The following SRGAP1 variants were observed in gnomAD, a reference collection of about 807,000 sequenced individuals.
SRGAP1 encodes the protein SLIT-ROBO Rho GTPase activating protein 1.
Under a neutral mutation model 121.9 loss-of-function variants are expected in SRGAP1, and 43 were observed. That is an observed-to-expected ratio of 0.35 (90% CI 0.28 to 0.46). SRGAP1 has a LOEUF of 0.46. Among genes scored for constraint, SRGAP1 ranks in the 20% least tolerant of loss-of-function variants. SRGAP1 has a pLI of 1.00. For missense variants in SRGAP1, 1,102 were observed against 1,350.9 expected (o/e 0.82, Z 2.89); for synonymous variants, 447 against 485.4 (o/e 0.92, Z 1.04).
chr12:63,977,475 T>C (rs1054326347), intron 1 of SRGAP1, among the ~76,000 whole-genome samples: 26 of 152,198 alleles, frequency 1.7e-4, no homozygotes, highest in African/African-American at 6.0e-4. Context: ...AGTAATATAT[T>C]AGAGAAACAG....
At chr12:63,992,794 A>G (rs1030802645) in intron 3 of SRGAP1, among the ~76,000 whole-genome samples, 2 of 152,038 alleles carry the variant, frequency 1.3e-5, no homozygotes, top group Non-Finnish European at 1.5e-5. Context: ...CTTCTTATCC[A>G]GATTTTCTGG....
chr12:63,887,340 G>T (rs1900421803), intron 1 of SRGAP1: 1 of 152,378 alleles, frequency 6.6e-6, no homozygotes, highest in Non-Finnish European at 1.5e-5. Context: ...GGGAGTGGGG[G>T]ATTGGTGTTG....
chr12:63,954,564 G>C (rs1361846120), intron 1 of SRGAP1, among the ~76,000 whole-genome samples: 2 of 151,802 alleles, frequency 1.3e-5, no homozygotes, highest in African/African-American at 2.4e-5. Context: ...TGTAGTCCCA[G>C]CTACTCGGGA....
In SRGAP1 at chr12:64,144,507, G is replaced by C. The variant is rs2037018123; in HGVS notation, c.*1835G>C. ...TTGCAGGAAGAGATTAAATTGATGA[G>C]ATATTGTTACTTTCAGAGTCACACT... On this transcript the variant is annotated 3_prime_UTR_variant, in exon 22 of 22. Transcript: ENST00000355086. The C allele has an allele frequency of 1.3e-5, 2 of 152,166 alleles. No homozygotes were observed. The highest frequency in any genetic ancestry group is 4.8e-5 in the African/African-American group (2 of 41,414). The allele number at this position is 152,166 out of a possible 1,614,324, so 9.4% of individuals were successfully genotyped here.
chr12:64,037,240 G>C (rs1372074772), intron 4 of SRGAP1, among the ~76,000 whole-genome samples: 1 of 152,210 alleles, frequency 6.6e-6, no homozygotes, highest in Non-Finnish European at 1.5e-5. Flanking sequence ...CTGACTCAGA[G>C]TGGTACACAA....
chr12:64,053,209 G>A (rs1270918922), intron 6 of SRGAP1, among the ~76,000 whole-genome samples: 5 of 152,166 alleles, frequency 3.3e-5, no homozygotes, highest in African/African-American at 1.2e-4. Context: ...TCTGTAAGGG[G>A]CCAGATGGTA....
At chr12:63,927,441 T>A (rs1053712408) in intron 1 of SRGAP1, among the ~76,000 whole-genome samples, 11 of 152,244 alleles carry the variant, frequency 7.2e-5, no homozygotes, top group Admixed American at 7.2e-4. Context: ...AGTCAGCAGA[T>A]GGAGGTGGCA....
Position 64,160,629 on chromosome 12 carries a change from A to G in SRGAP1, c.*17957A>G, listed in dbSNP as rs2037202166. 4 of 152,294 alleles carry G rather than the reference A, an allele frequency of 2.6e-5. No individual in the cohort carries two copies. The South Asian group carries it at 6.2e-4, about 24-fold the overall frequency. 9.4% of individuals were successfully genotyped at this position (152,294 alleles called of 1,614,324 possible). ...CTATTTTCCTTACCCCTTTGTCTTC[A>G]CAAGGAAGCCCAGACTCTGTTTGCC... On this transcript the variant is annotated 3_prime_UTR_variant, in exon 22 of 22. Transcript: ENST00000355086.
rs546585269 is a variant in SRGAP1, at chr12:64,038,048, C to G, written c.490-4742C>G. 1.8e-3 allele frequency among the ~76,000 whole-genome samples: 267 copies of G among 152,260 alleles called. 1 individual carries two copies. The highest frequency in any genetic ancestry group is 3.1e-3 in the Non-Finnish European group (211 of 68,006). On this transcript the variant is annotated intron_variant, in intron 4 of 21. Coordinates refer to ENST00000355086, the MANE Select transcript of SRGAP1 (RefSeq NM_020762.4). ...AACACCTCATCTGAAGCCAGGCTGTCTGGGTTCCCACCATTGCTGTGCCAG... is the reference window on the plus strand; with the variant it reads ...AACACCTCATCTGAAGCCAGGCTGTGTGGGTTCCCACCATTGCTGTGCCAG...
chr12:64,019,279 G>C (rs552203211), intron 4 of SRGAP1, among the ~76,000 whole-genome samples: 2 of 152,150 alleles, frequency 1.3e-5, no homozygotes, highest in Non-Finnish European at 2.9e-5. Context: ...TAGCGTTCAA[G>C]TGAGTAAGCT....
chr12:64,094,278 A>G (rs971854091), intron 12 of SRGAP1, among the ~76,000 whole-genome samples: 1 of 152,154 alleles, frequency 6.6e-6, no homozygotes, highest in African/African-American at 2.4e-5. Flanking sequence ...AGTAGAAGGC[A>G]GTGACTGTTT....
chr12:63,846,979 G>C (rs1405927965), intron 1 of SRGAP1, among the ~76,000 whole-genome samples: 1 of 152,158 alleles, frequency 6.6e-6, no homozygotes, highest in African/African-American at 2.4e-5. Flanking sequence ...GGACAGCATG[G>C]GAGACAAGAC....
At chr12:64,104,521 TCATCAGGG>T (rs1330665690) in intron 15 of SRGAP1, among the ~76,000 whole-genome samples, 4 of 152,184 alleles carry the variant, frequency 2.6e-5, no homozygotes, top group African/African-American at 9.7e-5. Context: ...GAACACACAT[TCATCAGGG>T]TGTCAGCAGC....
chr12:64,137,716 C>G (rs865849823), intron 21 of SRGAP1, among the ~76,000 whole-genome samples: 2 of 152,084 alleles, frequency 1.3e-5, no homozygotes, highest in South Asian at 4.1e-4. Flanking sequence ...ATGTCTCACA[C>G]TAGGTTTTAT....
intron 18 of SRGAP1, among the ~76,000 whole-genome samples, chr12:64,124,016 C>T (rs2036648746): frequency 6.6e-6 from 1 of 151,900 alleles, no homozygotes; most frequent in Admixed American, 6.6e-5. Flanking sequence ...AGTTTGAGAC[C>T]AGCCTTGGCA....
chr12:63,923,246 A>G (rs1448519190), intron 1 of SRGAP1, among the ~76,000 whole-genome samples: 1 of 152,168 alleles, frequency 6.6e-6, no homozygotes, highest in Non-Finnish European at 1.5e-5. Context: ...TTTTTTCATG[A>G]CATAGTTTCT....
At chr12:63,981,921 G>T (rs2136405599) in intron 1 of SRGAP1, among the ~76,000 whole-genome samples, 1 of 152,114 alleles carries the variant, frequency 6.6e-6, no homozygotes, top group East Asian at 1.9e-4. Flanking sequence ...ATAGAAGGAT[G>T]GGAAGTGTTT....
At chr12:64,059,556 C>T (rs1230452502) in intron 6 of SRGAP1, among the ~76,000 whole-genome samples, 1 of 152,022 alleles carries the variant, frequency 6.6e-6, no homozygotes, top group Non-Finnish European at 1.5e-5. Context: ...CCAGTAGAAT[C>T]TATCTTCTTT....
Position 63,908,075 on chromosome 12 carries a change from ATGTC to A in SRGAP1, c.67+63193_67+63196del, listed in dbSNP as rs1565945445. On this transcript the variant is annotated intron_variant, in intron 1 of 21. Transcript: ENST00000355086. ...CATTGATGTATATTGATGCATATGTATGTCCTTATGCCAGTACCACACTATCTTG... is the reference window on the plus strand; with the variant it reads ...CATTGATGTATATTGATGCATATGTACTTATGCCAGTACCACACTATCTTG... Among the ~76,000 whole-genome samples the A allele has an allele frequency of 4.6e-5, 7 of 152,232 alleles. No homozygotes were observed. The South Asian group carries it at 1.5e-3, about 32-fold the overall frequency.
Sources: gnomAD v4.1 joint callset for allele counts (sites outside exome capture counted in the v4.1 genomes callset) on GRCh38, gnomAD v4.1.1 for gene constraint, MANE v1.5 for transcripts, NCBI Gene and HGNC (gene_info 2026-07-23, HGNC 2026-07-21) for gene names.